Variants in NCKAP5 observed in about 807,000 individuals in gnomAD.
NCKAP5 encodes NCK associated protein 5.
In NCKAP5, 92 loss-of-function variants were observed where a neutral mutation model predicts 167.0. The ratio of observed to expected loss-of-function variants is 0.55; its 90% CI spans 0.47 to 0.66. NCKAP5 has a LOEUF of 0.66. Ranked by LOEUF, NCKAP5 falls within the 30% of genes least tolerant of loss-of-function variation. The probability of loss-of-function intolerance (pLI) is 0.00; values close to 1 mark genes in which losing one functional copy is unlikely to be tolerated. For missense variants in NCKAP5, 2,378 were observed against 2,315.0 expected, an observed-to-expected ratio of 1.03 and a Z score of -0.56; for synonymous variants, 891 against 877.4, an observed-to-expected ratio of 1.02 and a Z score of -0.27.
intron 3 of NCKAP5, among the ~76,000 whole-genome samples, chr2:133,397,216 C>G (rs533977921): frequency 6.6e-6 from 1 of 152,274 alleles, no homozygotes; most frequent in Non-Finnish European, 1.5e-5. Flanking sequence ...TAACGAAATG[C>G]GTTTCTTGTT....
intron 6 of NCKAP5, among the ~76,000 whole-genome samples, chr2:133,105,202 T>TA (rs1233312619): frequency 6.6e-6 from 1 of 152,262 alleles, no homozygotes; most frequent in African/African-American, 2.4e-5. Flanking sequence ...ATTTCCTCAT[T>TA]AAAAATTGTT....
chr2:133,383,526 C>T (rs1286287584), intron 3 of NCKAP5, among the ~76,000 whole-genome samples: 12 of 152,270 alleles, frequency 7.9e-5, no homozygotes, highest in African/African-American at 2.6e-4. Context: ...AATAAACATA[C>T]GTGTGCATGT....
At chr2:133,521,953 C>G (rs1322370286) in intron 2 of NCKAP5, among the ~76,000 whole-genome samples, 1 of 152,152 alleles carries the variant, frequency 6.6e-6, no homozygotes, top group Non-Finnish European at 1.5e-5. Flanking sequence ...GACTCCACAC[C>G]TCTCTGCTTG....
chr2:133,049,744 C>T (rs567515844), intron 6 of NCKAP5, among the ~76,000 whole-genome samples: 10 of 152,240 alleles, frequency 6.6e-5, no homozygotes, highest in Non-Finnish European at 8.8e-5. Context: ...GTCACCAAGA[C>T]GTGTGCTTGT....
At chr2:132,732,434 T>TA (rs202143106) in intron 16 of NCKAP5, among the ~76,000 whole-genome samples, 2,549 of 151,116 alleles carry the variant, frequency 0.017, 48 homozygotes, top group African/African-American at 0.058. Flanking sequence ...TAAAGTGTAA[T>TA]AAAAAAAAAG....
At chr2:132,853,560 A>G (rs965759248) in intron 11 of NCKAP5, among the ~76,000 whole-genome samples, 2 of 152,218 alleles carry the variant, frequency 1.3e-5, no homozygotes, top group African/African-American at 2.4e-5. Context: ...CAATTAATAC[A>G]TATATCTAAT....
At chr2:133,426,029 T>C (rs1689772881) in intron 3 of NCKAP5, among the ~76,000 whole-genome samples, 1 of 152,294 alleles carries the variant, frequency 6.6e-6, no homozygotes, top group African/African-American at 2.4e-5. Context: ...CCCAGCACTT[T>C]GGGAGGCCAA....
intron 8 of NCKAP5, among the ~76,000 whole-genome samples, chr2:132,904,797 T>C (rs988317989): frequency 2.6e-5 from 4 of 152,214 alleles, no homozygotes; most frequent in African/African-American, 9.6e-5. Flanking sequence ...AATCTGTGGA[T>C]TGTCTCTTCA....
chr2:133,378,535 G>T (rs1490923836), intron 3 of NCKAP5, among the ~76,000 whole-genome samples: 2 of 152,172 alleles, frequency 1.3e-5, no homozygotes, highest in Admixed American at 1.3e-4. Context: ...CTCAGGTGGG[G>T]TGTGGGAGTG....
intron 4 of NCKAP5, among the ~76,000 whole-genome samples, chr2:133,218,118 T>C (rs2086509809): frequency 6.6e-6 from 1 of 152,216 alleles, no homozygotes; most frequent in East Asian, 1.9e-4. Flanking sequence ...TTATTATCTA[T>C]TGATATTTAT....
intron 7 of NCKAP5, among the ~76,000 whole-genome samples, chr2:132,977,007 A>G (rs993360272): frequency 1.3e-5 from 2 of 152,222 alleles, no homozygotes; most frequent in Admixed American, 6.5e-5. Context: ...TTTAAATGAA[A>G]TAACAATGAT....
intron 4 of NCKAP5, among the ~76,000 whole-genome samples, chr2:133,224,075 C>T (rs920811072): frequency 4.6e-5 from 7 of 152,148 alleles, no homozygotes; most frequent in Admixed American, 1.3e-4. Flanking sequence ...GAAAATAAAA[C>T]GTAGCCCTCT....
At chr2:133,085,750 G>A (rs1228145371) in intron 6 of NCKAP5, among the ~76,000 whole-genome samples, 1 of 152,110 alleles carries the variant, frequency 6.6e-6, no homozygotes, top group Non-Finnish European at 1.5e-5. Flanking sequence ...GCTCACCCTT[G>A]GAGAACTGCA....
chr2:133,056,750 C>A (rs564458685), intron 6 of NCKAP5, among the ~76,000 whole-genome samples: 1 of 152,076 alleles, frequency 6.6e-6, no homozygotes, highest in African/African-American at 2.4e-5. Flanking sequence ...CATTTGATAC[C>A]GTCATAACTT....
intron 5 of NCKAP5, among the ~76,000 whole-genome samples, chr2:133,159,182 T>G (rs1389262909): frequency 1.3e-5 from 2 of 152,056 alleles, no homozygotes; most frequent in African/African-American, 4.8e-5. Flanking sequence ...GTGCGCCCAG[T>G]GCTGGCTCTG....
chr2:132,845,873 A>G (rs1411087463), intron 11 of NCKAP5, among the ~76,000 whole-genome samples: 2 of 152,184 alleles, frequency 1.3e-5, no homozygotes, highest in Non-Finnish European at 2.9e-5. Flanking sequence ...GCTCTGGGGA[A>G]TTAACATTTT....
intron 5 of NCKAP5, among the ~76,000 whole-genome samples, chr2:133,182,693 G>C (rs1379212824): frequency 6.6e-6 from 1 of 152,074 alleles, no homozygotes; most frequent in South Asian, 2.1e-4. Context: ...AGTAATGTAA[G>C]TTCCCAACTC....
At chr2:133,384,135 C>T (rs1253323051) in intron 3 of NCKAP5, among the ~76,000 whole-genome samples, 3 of 152,160 alleles carry the variant, frequency 2.0e-5, no homozygotes, top group Non-Finnish European at 4.4e-5. Context: ...CTTGCCCATG[C>T]CTATGTCCTG....
chr2:132,794,829 A>G (rs1009807799), intron 12 of NCKAP5, among the ~76,000 whole-genome samples: 2 of 152,136 alleles, frequency 1.3e-5, no homozygotes, highest in Non-Finnish European at 2.9e-5. Flanking sequence ...CCAAAAGTGG[A>G]TGGACTTTGT....
Sources: gnomAD v4.1 joint callset for allele counts (sites outside exome capture counted in the v4.1 genomes callset) on GRCh38, gnomAD v4.1.1 for gene constraint, MANE v1.5 for transcripts, NCBI Gene and HGNC (gene_info 2026-07-23, HGNC 2026-07-21) for gene names.